TCF12: variants seen among roughly 807,000 people sequenced by gnomAD.
TCF12 encodes the protein DNA-binding protein HTF4.
A neutral mutation model predicts 86.0 loss-of-function variants in TCF12; 45 were observed. That is an observed-to-expected ratio of 0.52 (90% CI 0.41 to 0.67). The LOEUF (loss-of-function observed/expected upper bound fraction) is 0.67. Among genes scored for constraint, TCF12 ranks in the 30% least tolerant of loss-of-function variants. The probability of loss-of-function intolerance (pLI) is 0.00; values close to 1 mark genes in which losing one functional copy is unlikely to be tolerated. For synonymous variants in TCF12, 330 were observed against 299.6 expected (o/e 1.10, Z -1.05); for missense variants, 881 against 859.9 (o/e 1.02, Z -0.31).
intron 3 of TCF12, among the ~76,000 whole-genome samples, chr15:57,022,294 A>T (rs950805216): frequency 6.6e-6 from 1 of 150,472 alleles, no homozygotes; most frequent in Non-Finnish European, 1.5e-5. Context: ...TTCATTTCCC[A>T]CCTATGAGTG....
At chr15:56,937,089 G>C (rs1311152586) in intron 3 of TCF12, among the ~76,000 whole-genome samples, 1 of 151,960 alleles carries the variant, frequency 6.6e-6, no homozygotes, top group East Asian at 1.9e-4. Flanking sequence ...TATTGATTCT[G>C]CCATGATTCA....
chr15:57,242,465 G>A (rs2059675709), intron 12 of TCF12, among the ~76,000 whole-genome samples: 1 of 152,056 alleles, frequency 6.6e-6, no homozygotes. Context: ...AAAGCGGGTG[G>A]ATCACCTGAG....
chr15:57,007,800 T>TTCTTTCTTTCTC (rs2064508819), intron 3 of TCF12, among the ~76,000 whole-genome samples: 1 of 133,492 alleles, frequency 7.5e-6, no homozygotes, highest in African/African-American at 2.7e-5. Context: ...CTCTCTTTCT[T>TTCTTTCTTTCTC]TCTTTCTTTC....
intron 8 of TCF12, among the ~76,000 whole-genome samples, chr15:57,225,816 G>A (rs1002679475): frequency 2.0e-5 from 3 of 151,650 alleles, no homozygotes; most frequent in Non-Finnish European, 2.9e-5. Context: ...ATATTGCTAC[G>A]TGTGGAACTT....
chr15:57,170,386 G>T (rs1211438977), intron 6 of TCF12, among the ~76,000 whole-genome samples: 4 of 151,258 alleles, frequency 2.6e-5, no homozygotes, highest in African/African-American at 9.7e-5. Flanking sequence ...AAGAGACCTA[G>T]GTTCAAGTCT....
intron 6 of TCF12, among the ~76,000 whole-genome samples, chr15:57,190,087 G>A (rs373062169): frequency 6.6e-5 from 10 of 152,180 alleles, no homozygotes; most frequent in African/African-American, 2.4e-4. Flanking sequence ...AGGGTGGAAT[G>A]GAGAGTAAGT....
intron 3 of TCF12, among the ~76,000 whole-genome samples, chr15:57,058,834 A>G (rs1206313494): frequency 6.6e-6 from 1 of 152,200 alleles, no homozygotes; most frequent in South Asian, 2.1e-4. Context: ...ATACATTCAT[A>G]GATTTATTTC....
At chr15:56,976,913 A>G (rs2062634055) in intron 3 of TCF12, among the ~76,000 whole-genome samples, 1 of 152,180 alleles carries the variant, frequency 6.6e-6, no homozygotes, top group Non-Finnish European at 1.5e-5. Context: ...AAAAAATGTG[A>G]GGGGACATAT....
chr15:56,930,046 T>G (rs2060177242), intron 3 of TCF12, among the ~76,000 whole-genome samples: 1 of 152,224 alleles, frequency 6.6e-6, no homozygotes, highest in Admixed American at 6.5e-5. Context: ...TCATAATTAC[T>G]CTTTCATCAC....
chr15:57,229,851 A>G (rs1216081378), intron 8 of TCF12, among the ~76,000 whole-genome samples: 1 of 151,924 alleles, frequency 6.6e-6, no homozygotes, highest in Non-Finnish European at 1.5e-5. Flanking sequence ...TCTTGGGAAG[A>G]TTAGGGTAAT....
chr15:57,143,730 T>A (rs1428594968), intron 5 of TCF12, among the ~76,000 whole-genome samples: 1 of 152,176 alleles, frequency 6.6e-6, no homozygotes, highest in Non-Finnish European at 1.5e-5. Context: ...CTCAAAAGAC[T>A]GTTTAAAATT....
intron 4 of TCF12, among the ~76,000 whole-genome samples, chr15:57,084,926 A>C (rs767501030): frequency 2.6e-5 from 4 of 152,172 alleles, no homozygotes; most frequent in Non-Finnish European, 4.4e-5. Flanking sequence ...AAATGTTTAG[A>C]TATGTCACAC....
intron 5 of TCF12, among the ~76,000 whole-genome samples, chr15:57,135,653 A>C (rs2052468344): frequency 6.6e-6 from 1 of 152,238 alleles, no homozygotes; most frequent in South Asian, 2.1e-4. Context: ...TTAAAAAAGT[A>C]TCCAGTTTTT....
At chr15:57,221,379 GT>G (rs1435223010) in intron 8 of TCF12, among the ~76,000 whole-genome samples, 1 of 72,786 alleles carries the variant, frequency 1.4e-5, no homozygotes, top group East Asian at 4.3e-4. Context: ...GGGTATGTGT[GT>G]GGGGTGTGTG....
At chr15:56,954,716 A>G (rs965695480) in intron 3 of TCF12, among the ~76,000 whole-genome samples, 9 of 152,194 alleles carry the variant, frequency 5.9e-5, no homozygotes, top group Admixed American at 2.0e-4. Flanking sequence ...AACTCAAACA[A>G]ATTTACAAGA....
At chr15:57,079,077 C>T (rs2957578) in intron 4 of TCF12, among the ~76,000 whole-genome samples, 124,685 of 152,230 alleles carry the variant, frequency 0.82, 51,571 homozygotes, top group African/African-American at 0.94. Context: ...GGTGCAAATA[C>T]AGTAAAGCAG....
chr15:57,166,557 T>C, intron 6 of TCF12, 91 bp downstream of exon 6: 1 of 1,135,204 alleles, frequency 8.8e-7, no homozygotes, highest in Admixed American at 2.3e-5. Context: ...TTATCCAATT[T>C]ATTTCACTAC....
intron 3 of TCF12, among the ~76,000 whole-genome samples, chr15:57,022,566 C>A (rs1192865796): frequency 1.3e-5 from 2 of 152,088 alleles, no homozygotes; most frequent in African/African-American, 4.8e-5. Flanking sequence ...ATTTATAATC[C>A]TTTGGGTATA....
At chr15:56,918,170 C>T, upstream of TCF12, 1 of 455,986 alleles carries the variant, frequency 2.2e-6, no homozygotes, top group Non-Finnish European at 4.4e-6. Context: ...ACGGGAGCCT[C>T]TGGGCCCAGC....
Sources: allele counts gnomAD v4.1 joint callset (sites outside exome capture counted in the v4.1 genomes callset), GRCh38; gene constraint gnomAD v4.1.1; transcripts MANE v1.5; gene names NCBI Gene and HGNC (gene_info 2026-07-23, HGNC 2026-07-21).